TRAPPC6A: variants seen among roughly 807,000 people sequenced by gnomAD.
TRAPPC6A encodes TRAPP complex subunit 6A.
Under a neutral mutation model 20.8 loss-of-function variants are expected in TRAPPC6A, and 25 were observed. The ratio of observed to expected loss-of-function variants is 1.20; its 90% CI spans 0.88 to 1.68. The LOEUF (loss-of-function observed/expected upper bound fraction) is 1.68, where lower values mean the gene tolerates loss of function less well. TRAPPC6A is among the 40% of genes most tolerant of loss of function. The probability of loss-of-function intolerance (pLI) is 0.00; values close to 1 mark genes in which losing one functional copy is unlikely to be tolerated. For missense variants in TRAPPC6A, 215 were observed against 211.6 expected (o/e 1.02, Z -0.10); for synonymous variants, 96 against 93.3 (o/e 1.03, Z -0.16).
chr19:45,168,880 C>G (rs374071414), intron 1 of TRAPPC6A, among the ~76,000 whole-genome samples: 1 of 152,096 alleles, frequency 6.6e-6, no homozygotes, highest in African/African-American at 2.4e-5. Flanking sequence ...AGGTGAGGAG[C>G]GCTGGGAATG....
intron 1 of TRAPPC6A, among the ~76,000 whole-genome samples, chr19:45,169,065 G>A (rs138098059): frequency 5.5e-4 from 84 of 152,284 alleles, no homozygotes; most frequent in Non-Finnish European, 1.1e-3. Flanking sequence ...CAGCAGGGCC[G>A]GCCACACAGC....
At chr19:45,167,177 T>A (rs1464837566) in intron 1 of TRAPPC6A, among the ~76,000 whole-genome samples, 1 of 152,076 alleles carries the variant, frequency 6.6e-6, no homozygotes, top group African/African-American at 2.4e-5. Context: ...GGCATGTGGG[T>A]GGTGCTTAAC....
At chr19:45,164,351 G>A in intron 3 of TRAPPC6A, 104 bp from the exon 4 acceptor site, 2 of 763,674 alleles carry the variant, frequency 2.6e-6, no homozygotes, top group Non-Finnish European at 2.1e-6. Flanking sequence ...AGGTTGGGAA[G>A]GCCCCCTTCC....
rs1969088716 is a variant in TRAPPC6A, at chr19:45,164,217, G to A, written c.301C>T (p.Pro101Ser). 1 of 1,609,674 alleles carries A rather than the reference G, an allele frequency of 6.2e-7. No homozygotes were observed. Among genetic ancestry groups the A allele is most frequent in the Middle Eastern group, 1.7e-4 (1 of 6,022 alleles). ...GTYVLQDNSF[P>S]LLLPMASGLQ... is the part of the protein sequence containing the mutation. ...CCAGAGGCCATCGGGAGGAGGAGGG[G>A]GAAGCTGTTGTCTTGCAGGACGTAG... is the stretch of plus-strand genomic sequence containing the variant. Residue 101 changes from proline to serine, a missense_variant, in exon 4 of 6, where the codon CCC becomes TCC. Coordinates refer to ENST00000585934, the MANE Select transcript of TRAPPC6A (RefSeq NM_001270891.2).
chr19:45,166,409 A>C (rs1183011092), intron 1 of TRAPPC6A, among the ~76,000 whole-genome samples: 1 of 131,904 alleles, frequency 7.6e-6, no homozygotes, highest in African/African-American at 2.9e-5. Context: ...GGGTTTCACC[A>C]TGTTGGCCAG....
rs770523723 is a variant in TRAPPC6A at position 45,164,930 on chromosome 19, C to T, written c.193G>A (p.Val65Ile). The change falls in exon 3 of 6, where the codon GTC becomes ATC. Residue 65 changes from valine (V) to isoleucine (I), a missense_variant. Transcript: ENST00000585934. ...ETLAFREELD[V>I]LKFLCKDLWV... Reference sequence around the variant, plus strand: ...AGGTCTTTGCACAAGAACTTGAGGACATCCAGCTCCTCCCTGAAGGCCAGC... The same window carrying T: ...AGGTCTTTGCACAAGAACTTGAGGATATCCAGCTCCTCCCTGAAGGCCAGC... 1.9e-6 allele frequency: 3 copies of T among 1,614,158 alleles called. No individual in the cohort carries two copies. The highest frequency in any genetic ancestry group is 3.3e-5 in the Admixed American group (2 of 60,030).
Position 45,173,209 on chromosome 19 carries a change from G to A in TRAPPC6A, c.84+4926C>T, listed in dbSNP as rs573634716. On this transcript the variant is annotated intron_variant, in intron 1 of 5. Coordinates refer to ENST00000585934, the MANE Select transcript of TRAPPC6A (RefSeq NM_001270891.2). This position sits in a 1 kb window ranked among gnomAD's most constrained non-coding sequence, Gnocchi z 4.8. ...AAGCCTCTGAGGTAGAAAAGCCACG[G>A]CTGCTTCCTCCAAGGGCTTCTCCTC... 1.3e-5 allele frequency among the ~76,000 whole-genome samples: 2 copies of A among 151,876 alleles called. No individual in the cohort carries two copies. The highest frequency in any genetic ancestry group is 2.1e-4 in the South Asian group (1 of 4,798).
At chr19:45,176,732 C>G (rs1389979820) in intron 1 of TRAPPC6A, among the ~76,000 whole-genome samples, 2 of 152,000 alleles carry the variant, frequency 1.3e-5, no homozygotes, top group African/African-American at 2.4e-5. Context: ...GAAACCAGAG[C>G]CAATAAAAAT....
At chr19:45,164,805 G>A (rs754152965) in intron 3 of TRAPPC6A, 48 bp downstream of exon 3, 5 of 1,559,412 alleles carry the variant, frequency 3.2e-6, no homozygotes, top group Non-Finnish European at 4.4e-6. Context: ...CACTCTCTTG[G>A]TCTTGCCCTC....
chr19:45,164,559 C>G (rs955278278), intron 3 of TRAPPC6A, among the ~76,000 whole-genome samples: 5 of 152,264 alleles, frequency 3.3e-5, no homozygotes, highest in African/African-American at 9.6e-5. Context: ...GGGACTAGAC[C>G]AGCTTGGGAC....
rs1969064980 is a variant in TRAPPC6A at position 45,163,660 on chromosome 19, T to C, written c.448+256A>G. Among the ~76,000 whole-genome samples, 1 of 152,094 alleles carries C rather than the reference T, an allele frequency of 6.6e-6. No homozygotes were observed. Among genetic ancestry groups the C allele is most frequent in the African/African-American group, 2.4e-5 (1 of 41,420 alleles). On this transcript the variant is annotated intron_variant, in intron 5 of 5. Transcript: ENST00000585934. The surrounding 1 kb of genome is among the most constrained non-coding windows in gnomAD (Gnocchi z 5.3). ...GCCGTCGCCCCCATCGAAGGATCAG[T>C]GAGGATAACTTCTATTGCGTCCACC...
At chr19:45,171,964 C>G (rs1011956076) in intron 1 of TRAPPC6A, among the ~76,000 whole-genome samples, 26 of 152,254 alleles carry the variant, frequency 1.7e-4, no homozygotes, top group African/African-American at 6.0e-4. Context: ...GGAATCCTCT[C>G]TTTGCCCAAA....
chr19:45,167,255 G>A (rs1368260981), intron 1 of TRAPPC6A, among the ~76,000 whole-genome samples: 1 of 152,150 alleles, frequency 6.6e-6, no homozygotes, highest in East Asian at 1.9e-4. Context: ...GCTGTCAACA[G>A]GCTCTTGGAA....
intron 1 of TRAPPC6A, among the ~76,000 whole-genome samples, chr19:45,169,622 G>C (rs1275043560): frequency 2.0e-5 from 3 of 152,230 alleles, no homozygotes; most frequent in African/African-American, 7.2e-5. Context: ...AGCCAATGAG[G>C]GATGAAGCCC....
At chr19:45,175,435 A>T (rs1274929058) in intron 1 of TRAPPC6A, among the ~76,000 whole-genome samples, 1 of 152,038 alleles carries the variant, frequency 6.6e-6, no homozygotes, top group Non-Finnish European at 1.5e-5. Flanking sequence ...TCAAAAAAAA[A>T]AAAAAAATCA....
At chr19:45,171,089 G>T (rs190753765) in intron 1 of TRAPPC6A, among the ~76,000 whole-genome samples, 1 of 152,320 alleles carries the variant, frequency 6.6e-6, no homozygotes, top group African/African-American at 2.4e-5. Flanking sequence ...ATCACTTGAG[G>T]TTAGGAGTTT....
chr19:45,169,943 A>G (rs1205320589), intron 1 of TRAPPC6A, among the ~76,000 whole-genome samples: 1 of 152,258 alleles, frequency 6.6e-6, no homozygotes, highest in Non-Finnish European at 1.5e-5. Flanking sequence ...GTCCTCCAGG[A>G]GCTCACCTAC....
intron 1 of TRAPPC6A, among the ~76,000 whole-genome samples, chr19:45,177,128 T>G (rs967255490): frequency 6.6e-6 from 1 of 152,062 alleles, no homozygotes; most frequent in Non-Finnish European, 1.5e-5. Context: ...GAGGCAGCAG[T>G]GAGCCATGAC....
At chr19:45,178,081 C>A in intron 1 of TRAPPC6A, 54 bp downstream of exon 1, 1 of 1,611,268 alleles carries the variant, frequency 6.2e-7, no homozygotes, top group Non-Finnish European at 8.5e-7. Context: ...TCCGCTCTCC[C>A]AGAGGCGTTA....
Sources: gnomAD v4.1 joint callset for allele counts (sites outside exome capture counted in the v4.1 genomes callset) on GRCh38, gnomAD v4.1.1 for gene constraint, Gnocchi (gnomAD v3.1) non-coding constraint, MANE v1.5 for transcripts, NCBI Gene and HGNC (gene_info 2026-07-23, HGNC 2026-07-21) for gene names.